The following ETFA variants were observed in gnomAD, a reference collection of about 807,000 sequenced individuals.
ETFA encodes the protein electron transfer flavoprotein subunit alpha.
In ETFA, 22 loss-of-function variants were observed where a neutral mutation model predicts 46.2. That is an observed-to-expected ratio of 0.48 (90% CI 0.34 to 0.68). ETFA has a LOEUF of 0.68. Among genes scored for constraint, ETFA ranks in the 30% least tolerant of loss-of-function variants. ETFA has a pLI of 0.01. For missense variants in ETFA, 345 were observed against 401.1 expected, an observed-to-expected ratio of 0.86 and a Z score of 1.19; for synonymous variants, 131 against 139.9, an observed-to-expected ratio of 0.94 and a Z score of 0.45.
intron 4 of ETFA, among the ~76,000 whole-genome samples, chr15:76,291,846 A>C (rs971559709): frequency 2.0e-5 from 3 of 152,244 alleles, no homozygotes; most frequent in African/African-American, 7.2e-5. Context: ...CCACAGAGAG[A>C]GAGCAAGAAA....
chr15:76,277,792 C>T lies in ETFA; in HGVS notation c.734-3298G>A, dbSNP rs141691631. On this transcript the variant is annotated intron_variant, in intron 8 of 11. Coordinates refer to ENST00000557943, the MANE Select transcript of ETFA (RefSeq NM_000126.4). ...TGCTGGGATTACAGGCATGAGCCAC[C>T]GTGCCCTGCCCACCTGGAGTTTTTA... is the stretch of plus-strand genomic sequence containing the variant. Among the ~76,000 whole-genome samples, 847 of 152,314 alleles carry T rather than the reference C, an allele frequency of 5.6e-3. 15 individuals are homozygous for T. Among genetic ancestry groups the T allele is most frequent in the African/African-American group, 0.02 (814 of 41,570 alleles).
In ETFA at chr15:76,311,422, G is replaced by GCAGC. The variant is rs751907555; in HGVS notation, c.-38_-35dup. 3.7e-5 allele frequency: 58 copies of GCAGC among 1,548,530 alleles called. No individual in the cohort carries two copies. The highest frequency in any genetic ancestry group is 5.0e-5 in the Non-Finnish European group (57 of 1,148,150). ...CTTCCGCCGCAACCTCGGCCTTACA[G>GCAGC]CAGCCCCGTGCCCGGCCAACTGGCG... is the stretch of plus-strand genomic sequence containing the variant. On this transcript the variant is annotated 5_prime_UTR_variant, in exon 1 of 12. Transcript: ENST00000557943.
intron 9 of ETFA, chr15:76,260,738 G>A (rs1026136863): frequency 1.7e-5 from 27 of 1,606,606 alleles, no homozygotes; most frequent in Middle Eastern, 2.2e-4. Flanking sequence ...GGGGAGCGCT[G>A]GCTGGGGCTA....
Position 76,277,334 on chromosome 15 carries a change from A to T in ETFA, c.734-2840T>A, listed in dbSNP as rs543710874. ...GAGATCAGACCTTGTTAAGAAGAAC[A>T]GAATGCTCTGGCATATTTTAAAATG... On this transcript the variant is annotated intron_variant, in intron 8 of 11. Coordinates refer to ENST00000557943, the MANE Select transcript of ETFA (RefSeq NM_000126.4). Among the ~76,000 whole-genome samples, 95 of 152,318 alleles carry T rather than the reference A, an allele frequency of 6.2e-4. 2 individuals are homozygous for T. The highest frequency in any genetic ancestry group is 1.0e-4 in the Non-Finnish European group (7 of 68,022).
chr15:76,255,603 C>T (rs2039339106), intron 9 of ETFA, among the ~76,000 whole-genome samples: 1 of 152,156 alleles, frequency 6.6e-6, no homozygotes, highest in South Asian at 2.1e-4. Flanking sequence ...CAAAATTATA[C>T]TTTTGCCTGA....
intron 11 of ETFA, among the ~76,000 whole-genome samples, chr15:76,217,979 G>A (rs1202363553): frequency 6.6e-6 from 1 of 152,204 alleles, no homozygotes; most frequent in Non-Finnish European, 1.5e-5. Flanking sequence ...ATTTGCTCAG[G>A]GGTGGCATTA....
intron 9 of ETFA, among the ~76,000 whole-genome samples, chr15:76,236,214 C>T (rs1218259733): frequency 6.6e-6 from 1 of 152,206 alleles, no homozygotes; most frequent in African/African-American, 2.4e-5. Flanking sequence ...TCCTCTGCTA[C>T]ATTGCATTTT....
chr15:76,279,440 C>A (rs1306434198), intron 8 of ETFA, among the ~76,000 whole-genome samples: 1 of 152,158 alleles, frequency 6.6e-6, no homozygotes, highest in African/African-American at 2.4e-5. Flanking sequence ...CCATGCCTGG[C>A]TAATTCTGAT....
chr15:76,307,254 C>T (rs1253050197), intron 1 of ETFA, among the ~76,000 whole-genome samples: 7 of 152,138 alleles, frequency 4.6e-5, no homozygotes, highest in Non-Finnish European at 8.8e-5. Flanking sequence ...AAATGCCTAC[C>T]TATTTGCCTC....
At chr15:76,295,933 A>ATTTTTTTTT (rs1555459250) in intron 1 of ETFA, among the ~76,000 whole-genome samples, 196 bp from the exon 2 acceptor site, 3 of 58,506 alleles carry the variant, frequency 5.1e-5, no homozygotes, top group Admixed American at 2.3e-4. Context: ...TACCACTAAT[A>ATTTTTTTTT]TTCTTTTTTT....
chr15:76,292,498 A>C lies in ETFA; in HGVS notation c.284T>G (p.Leu95Trp). Residue 95 changes from leucine (L) to tryptophan (W), a missense_variant, in exon 4 of 12, where the codon TTG (leucine) becomes TGG (tryptophan). By Grantham distance (61) the Leu-to-Trp change is moderately conservative. Transcript: ENST00000557943. Reference sequence around the variant, plus strand: ...GAACTGCTTCTGAGTTGCCAAAATCAATGGTGTCAGTTCCTCTGAGAATTA... The same window carrying C: ...GAACTGCTTCTGAGTTGCCAAAATCCATGGTGTCAGTTCCTCTGAGAATTA... ...KGLLPEELTP[L>W]ILATQKQFNY... 1 of 1,613,414 alleles carries C rather than the reference A, an allele frequency of 6.2e-7. No individual in the cohort carries two copies. The highest frequency in any genetic ancestry group is 2.2e-5 in the East Asian group (1 of 44,878).
chr15:76,238,628 G>C (rs538780621), intron 9 of ETFA, among the ~76,000 whole-genome samples: 37 of 152,152 alleles, frequency 2.4e-4, no homozygotes, highest in Non-Finnish European at 4.7e-4. Context: ...ACAAATGCCA[G>C]GTTAGGAGTT....
chr15:76,260,677 C>T (rs1200519892), intron 9 of ETFA: 12 of 1,595,862 alleles, frequency 7.5e-6, no homozygotes, highest in Non-Finnish European at 7.7e-6. Flanking sequence ...GGGATCACTT[C>T]TTCCCACTCC....
chr15:76,286,540 C>T (rs2039706580), intron 5 of ETFA, 59 bp from the exon 6 acceptor site: 1 of 1,004,958 alleles, frequency 1.0e-6, no homozygotes, highest in South Asian at 1.3e-5. Context: ...ACTAGCACTC[C>T]TTTGATGCTT....
intron 8 of ETFA, among the ~76,000 whole-genome samples, chr15:76,282,428 G>C (rs2039664999): frequency 6.6e-6 from 1 of 152,196 alleles, no homozygotes; most frequent in Non-Finnish European, 1.5e-5. Context: ...AAAGCTGTGA[G>C]AGAAAAACTT....
At chr15:76,256,521 C>T (rs2039347371) in intron 9 of ETFA, among the ~76,000 whole-genome samples, 1 of 152,164 alleles carries the variant, frequency 6.6e-6, no homozygotes, top group African/African-American at 2.4e-5. Flanking sequence ...AGATATCTTA[C>T]TGTGAATAAA....
In ETFA at chr15:76,295,578, A is replaced by G. The variant is rs1482792667; in HGVS notation, c.186+13T>C. On this transcript the variant is annotated intron_variant, in intron 2 of 11. Coordinates refer to ENST00000557943, the MANE Select transcript of ETFA (RefSeq NM_000126.4). ...GATAATATTTGCTATGGCTGACCTTAAAAATTTCTCACCTTGTCACATTTG... is the reference window on the plus strand; with the variant it reads ...GATAATATTTGCTATGGCTGACCTTGAAAATTTCTCACCTTGTCACATTTG... The G allele has an allele frequency of 6.2e-7, 1 of 1,610,628 alleles. No homozygotes were observed. Among genetic ancestry groups the G allele is most frequent in the Non-Finnish European group, 8.5e-7 (1 of 1,176,864 alleles).
intron 7 of ETFA, among the ~76,000 whole-genome samples, chr15:76,285,367 A>C (rs2039695704): frequency 6.6e-6 from 1 of 152,206 alleles, no homozygotes; most frequent in African/African-American, 2.4e-5. Context: ...AAGTCCATCA[A>C]TAAGATGGCA....
intron 1 of ETFA, among the ~76,000 whole-genome samples, chr15:76,300,515 T>C (rs929209124): frequency 3.3e-5 from 5 of 152,200 alleles, no homozygotes; most frequent in Admixed American, 1.3e-4. Context: ...GCCAATATCC[T>C]AGTGCAGGCC....
Sources: gnomAD v4.1 joint callset for allele counts (sites outside exome capture counted in the v4.1 genomes callset) on GRCh38, gnomAD v4.1.1 for gene constraint, MANE v1.5 for transcripts, NCBI Gene and HGNC (gene_info 2026-07-23, HGNC 2026-07-21) for gene names.